The following SFXN5 variants were observed in gnomAD, a reference collection of about 807,000 sequenced individuals.
SFXN5 encodes the protein sideroflexin-5.
Under a neutral mutation model 50.2 loss-of-function variants are expected in SFXN5, and 43 were observed. That is an observed-to-expected ratio of 0.86 (90% CI 0.67 to 1.11). The LOEUF (loss-of-function observed/expected upper bound fraction) is 1.11. Ranked by LOEUF, SFXN5 falls within the 50% of genes least tolerant of loss-of-function variation. The pLI is 0.00. For synonymous variants in SFXN5, 203 were observed against 185.8 expected (o/e 1.09, Z -0.75); for missense variants, 463 against 454.1 (o/e 1.02, Z -0.18).
chr2:73,056,910 T>C (rs1237280135), intron 2 of SFXN5, among the ~76,000 whole-genome samples: 1 of 152,194 alleles, frequency 6.6e-6, no homozygotes. Context: ...ACACTTATCA[T>C]AGGATCCAGC....
chr2:72,972,318 A>G (rs989527866), intron 10 of SFXN5, among the ~76,000 whole-genome samples: 1 of 152,254 alleles, frequency 6.6e-6, no homozygotes, highest in Non-Finnish European at 1.5e-5. Flanking sequence ...GAAAGGCTAC[A>G]GTGCCTCTGC....
intron 6 of SFXN5, among the ~76,000 whole-genome samples, chr2:73,009,821 C>T (rs1675266759): frequency 1.3e-5 from 2 of 151,888 alleles, no homozygotes; most frequent in Admixed American, 6.6e-5. Flanking sequence ...CATAGTGACC[C>T]TGCAATGATG....
intron 2 of SFXN5, among the ~76,000 whole-genome samples, chr2:73,047,275 T>TATACAC (rs1300799277): frequency 4.1e-4 from 21 of 51,712 alleles, no homozygotes; most frequent in African/African-American, 1.2e-3. Flanking sequence ...TATATATATA[T>TATACAC]ACACACATAT....
chr2:73,060,685 T>C (rs1466182561), intron 1 of SFXN5, among the ~76,000 whole-genome samples: 1 of 150,552 alleles, frequency 6.6e-6, no homozygotes, highest in East Asian at 2.0e-4. Flanking sequence ...TGCGGTTATA[T>C]AAGAGAATGT....
intron 2 of SFXN5, among the ~76,000 whole-genome samples, chr2:73,047,284 A>ATATATATATATATATATACACAC: frequency 1.5e-5 from 1 of 68,664 alleles, no homozygotes; most frequent in Non-Finnish European, 2.9e-5. Context: ...ATACACACAT[A>ATATATATATATATATATACACAC]TATATATATA....
At chr2:73,009,717 C>G (rs1329679086) in intron 6 of SFXN5, among the ~76,000 whole-genome samples, 1 of 152,194 alleles carries the variant, frequency 6.6e-6, no homozygotes, top group Non-Finnish European at 1.5e-5. Context: ...AAGGATCGGT[C>G]CTGTTAGGAC....
At chr2:73,047,253 T>TATATATATATATATATATATACAC (rs1559199656) in intron 2 of SFXN5, among the ~76,000 whole-genome samples, 1 of 45,144 alleles carries the variant, frequency 2.2e-5, no homozygotes, top group Non-Finnish European at 4.2e-5. Context: ...AAAATATATA[T>TATATATATATATATATATATACAC]ATATATATAT....
At chr2:73,009,247 G>A (rs1675171688) in intron 6 of SFXN5, among the ~76,000 whole-genome samples, 1 of 152,236 alleles carries the variant, frequency 6.6e-6, no homozygotes, top group Admixed American at 6.5e-5. Flanking sequence ...CTTCAGACCA[G>A]GCATTTGCTT....
chr2:73,009,899 A>G (rs1276829102), intron 6 of SFXN5, among the ~76,000 whole-genome samples: 1 of 152,170 alleles, frequency 6.6e-6, no homozygotes, highest in African/African-American at 2.4e-5. Flanking sequence ...CTCCTTGTGA[A>G]TGGAAGACAG....
At chr2:73,031,624 G>A (rs1040598997) in intron 3 of SFXN5, among the ~76,000 whole-genome samples, 4 of 152,354 alleles carry the variant, frequency 2.6e-5, no homozygotes, top group African/African-American at 9.6e-5. Context: ...GGAAGCTAAA[G>A]TGGTGCTTGA....
chr2:73,012,539 CTATTGTTCATG>C (rs1390298683), intron 6 of SFXN5, among the ~76,000 whole-genome samples: 9 of 151,440 alleles, frequency 5.9e-5, no homozygotes, highest in African/African-American at 2.2e-4. Context: ...ATCAGGCCAA[CTATTGTTCATG>C]TATGAAAGAG....
At chr2:73,035,909 C>T (rs756248340) in intron 3 of SFXN5, among the ~76,000 whole-genome samples, 2 of 152,284 alleles carry the variant, frequency 1.3e-5, no homozygotes, top group South Asian at 2.1e-4. Flanking sequence ...AATACATTTG[C>T]GCATACCCAC....
intron 2 of SFXN5, among the ~76,000 whole-genome samples, chr2:73,046,050 G>T (rs566318039): frequency 7.6e-4 from 93 of 122,378 alleles, no homozygotes; most frequent in Admixed American, 3.6e-3. Flanking sequence ...CTTATCCCAA[G>T]AACTTTAAGC....
intron 6 of SFXN5, among the ~76,000 whole-genome samples, chr2:73,007,631 C>A (rs549804567): frequency 2.4e-4 from 37 of 152,246 alleles, no homozygotes; most frequent in Non-Finnish European, 5.0e-4. Context: ...GCTGCCTCCC[C>A]ACATACCCGG....
chr2:72,961,091 C>A lies in SFXN5; in HGVS notation c.945+40G>T, dbSNP rs1434094938. 3.7e-6 allele frequency: 5 copies of A among 1,355,458 alleles called. No individual in the cohort carries two copies. The highest frequency in any genetic ancestry group is 1.4e-5 in the South Asian group (1 of 71,462). 84.0% of individuals were successfully genotyped at this position (1,355,458 alleles called of 1,614,324 possible). ...TTTGTTCAGAAATCACCAAACAGCA[C>A]CCCCTGCCCTGCCCTGCCCTTGAGC... On this transcript the variant is annotated intron_variant, in intron 13 of 13. Transcript: ENST00000272433. This position sits in a 1 kb window ranked among gnomAD's most constrained non-coding sequence, Gnocchi z 4.4.
chr2:73,062,546 C>T lies in SFXN5; in HGVS notation c.103-3950G>A, dbSNP rs148977977. 3.9e-3 allele frequency among the ~76,000 whole-genome samples: 596 copies of T among 152,262 alleles called. 3 individuals are homozygous for T. The highest frequency in any genetic ancestry group is 6.6e-3 in the Non-Finnish European group (452 of 68,018). On this transcript the variant is annotated intron_variant, in intron 1 of 13. Transcript: ENST00000272433. ...CTTCATCCTGTCCCAGCCCTGCCAG[C>T]CTTCTTGTGTCACTTTCGACCATAG...
rs746311228 is a variant in SFXN5 at position 73,071,661 on chromosome 2, G to C, written c.45C>G (p.Ala15=). ...GAGGTGCATCGCTCGAGGCGCTAGC[G>C]GCACTAGCCGCCGCCGCCGATGCTG... ...ATTASAAAAS[A]ASASSDAPPF... The change falls in exon 1 of 14, where the codon GCC becomes GCG. Residue 15 remains alanine, a synonymous_variant. Coordinates refer to ENST00000272433, the MANE Select transcript of SFXN5 (RefSeq NM_144579.3). The C allele has an allele frequency of 6.2e-7, 1 of 1,613,056 alleles. No homozygotes were observed. Among genetic ancestry groups the C allele is most frequent in the Non-Finnish European group, 8.5e-7 (1 of 1,179,810 alleles).
At chr2:72,956,796 A>T (rs1673137687) in intron 13 of SFXN5, among the ~76,000 whole-genome samples, 1 of 151,478 alleles carries the variant, frequency 6.6e-6, no homozygotes, top group African/African-American at 2.4e-5. Context: ...CTTCCCCATC[A>T]TTGCCCTCTC....
rs2105281992 is a variant in SFXN5 at position 72,942,163 on chromosome 2, G to T, written c.*2859C>A. 6.6e-6 allele frequency: 1 copy of T among 152,316 alleles called. No homozygotes were observed. The highest frequency in any genetic ancestry group is 6.5e-5 in the Admixed American group (1 of 15,306). 9.4% of individuals were successfully genotyped at this position (152,316 alleles called of 1,614,324 possible). A position where few individuals can be genotyped will look rare whatever the true frequency, so the allele number is the denominator to read the frequency against. The stretch of plus-strand genomic sequence containing the variant: ...GGAGTGGCTGAGGCTTGCGTGCGGG[G>T]GCCTCACTCTCACTGGGCCAGGCTT... On this transcript the variant is annotated 3_prime_UTR_variant, in exon 14 of 14. Coordinates refer to ENST00000272433, the MANE Select transcript of SFXN5 (RefSeq NM_144579.3).
Sources: allele counts gnomAD v4.1 joint callset (sites outside exome capture counted in the v4.1 genomes callset), GRCh38; gene constraint gnomAD v4.1.1; non-coding constraint Gnocchi (gnomAD v3.1); transcripts MANE v1.5; gene names NCBI Gene and HGNC (gene_info 2026-07-23, HGNC 2026-07-21).